The following TMTC3 variants were observed in gnomAD, a reference collection of about 807,000 sequenced individuals.
The protein encoded by TMTC3 is protein O-mannosyl-transferase TMTC3.
In TMTC3, 52 loss-of-function variants were observed where a neutral mutation model predicts 92.2. The ratio of observed to expected loss-of-function variants is 0.56; its 90% confidence interval spans 0.45 to 0.71. The LOEUF (loss-of-function observed/expected upper bound fraction) is 0.71. Ranked by LOEUF, TMTC3 falls within the 30% of genes least tolerant of loss-of-function variation. TMTC3 has a pLI of 0.00. For missense variants in TMTC3, 896 were observed against 1,057.1 expected, an observed-to-expected ratio of 0.85 and a Z score of 2.11; for synonymous variants, 339 against 363.3, an observed-to-expected ratio of 0.93 and a Z score of 0.76.
intron 2 of TMTC3, among the ~76,000 whole-genome samples, chr12:88,152,265 A>G (rs2040952109): frequency 1.3e-5 from 2 of 151,960 alleles, no homozygotes; most frequent in African/African-American, 4.8e-5. Context: ...GTGAAGGGGG[A>G]GCAGGTGTAT....
At chr12:88,181,363 G>A (rs950036035) in intron 10 of TMTC3, among the ~76,000 whole-genome samples, 1 of 152,164 alleles carries the variant, frequency 6.6e-6, no homozygotes, top group Non-Finnish European at 1.5e-5. Context: ...CCTGTTGAAG[G>A]AGGAGACATG....
At chr12:88,145,935 C>G (rs1398601705) in intron 1 of TMTC3, among the ~76,000 whole-genome samples, 1 of 152,130 alleles carries the variant, frequency 6.6e-6, no homozygotes, top group Non-Finnish European at 1.5e-5. Context: ...GGATTTTGTG[C>G]ACATATATAG....
intron 4 of TMTC3, among the ~76,000 whole-genome samples, chr12:88,159,172 G>C (rs1304140684): frequency 6.6e-6 from 1 of 150,984 alleles, no homozygotes; most frequent in Non-Finnish European, 1.5e-5. Context: ...TAAGAAAACT[G>C]AAGCCTGGAA....
At chr12:88,174,035 A>G (rs1358046901) in intron 8 of TMTC3, among the ~76,000 whole-genome samples, 3 of 152,152 alleles carry the variant, frequency 2.0e-5, no homozygotes, top group African/African-American at 7.2e-5. Flanking sequence ...AAACAAGATC[A>G]TAAAGATTAT....
chr12:88,159,052 CAA>C (rs1179846619), intron 4 of TMTC3, among the ~76,000 whole-genome samples: 8 of 57,638 alleles, frequency 1.4e-4, no homozygotes, highest in Admixed American at 5.9e-4. Flanking sequence ...AACTCTGTCT[CAA>C]AAAAAAAAAA....
chr12:88,157,835 G>A (rs1370278334), intron 4 of TMTC3, among the ~76,000 whole-genome samples: 2 of 152,120 alleles, frequency 1.3e-5, no homozygotes, highest in Non-Finnish European at 2.9e-5. Context: ...AAATCAAAGT[G>A]TTTATATAGT....
rs530391917 is a variant in TMTC3, at chr12:88,180,783, T to C, written c.1432+4464T>C. On this transcript the variant is annotated intron_variant, in intron 10 of 13. Transcript: ENST00000266712. The stretch of plus-strand genomic sequence containing the variant: ...TGAGGGGGTGTGAACACAAGCATAT[T>C]CTCTTCCCCATGTCAACAAATCATT... Among the ~76,000 whole-genome samples the C allele has an allele frequency of 7.5e-4, 114 of 152,254 alleles. 2 individuals are homozygous for C. In the South Asian group the frequency reaches 0.012, roughly 16 times the overall value.
intron 10 of TMTC3, among the ~76,000 whole-genome samples, chr12:88,178,017 G>A (rs1373598101): frequency 6.6e-6 from 1 of 152,180 alleles, no homozygotes; most frequent in Non-Finnish European, 1.5e-5. Flanking sequence ...GATAAGAATA[G>A]CAGATAATAG....
intron 10 of TMTC3, among the ~76,000 whole-genome samples, chr12:88,180,446 G>A (rs2041305099): frequency 6.6e-6 from 1 of 152,176 alleles, no homozygotes; most frequent in South Asian, 2.1e-4. Context: ...AGCAGGTACA[G>A]ATAGCAGGAA....
intron 10 of TMTC3, among the ~76,000 whole-genome samples, chr12:88,181,523 G>A (rs1340206931): frequency 6.6e-6 from 1 of 152,042 alleles, no homozygotes; most frequent in African/African-American, 2.4e-5. Context: ...TAACTTGCAG[G>A]TCTGCTTGTT....
chr12:88,160,321 C>A (rs2041061611), intron 5 of TMTC3, 92 bp downstream of exon 5: 1 of 697,318 alleles, frequency 1.4e-6, no homozygotes, highest in Non-Finnish European at 2.1e-6. Context: ...CTAAATGTAT[C>A]ATTATGTAAA....
At chr12:88,162,289 T>C (rs1248971292) in intron 6 of TMTC3, among the ~76,000 whole-genome samples, 2 of 152,338 alleles carry the variant, frequency 1.3e-5, no homozygotes, top group African/African-American at 2.4e-5. Flanking sequence ...TTGTTTCTTA[T>C]GTATTTATGT....
At chr12:88,185,303 A>G (rs550765889) in intron 10 of TMTC3, among the ~76,000 whole-genome samples, 5 of 151,498 alleles carry the variant, frequency 3.3e-5, no homozygotes, top group South Asian at 4.2e-4. Context: ...TTTTTCTAAA[A>G]TTGTGTATGA....
rs61941025 is a variant in TMTC3 at position 88,145,314 on chromosome 12, A to G, written c.-29+2827A>G. On this transcript the variant is annotated intron_variant, in intron 1 of 13. Transcript: ENST00000266712. ...TGATCTTTCCAGTTTCCTCATGTTG[A>G]AGGAAGACAAGTATCTGCTTGCTGC... 6.9e-3 allele frequency among the ~76,000 whole-genome samples: 1,047 copies of G among 152,254 alleles called. 4 individuals carry two copies. The highest frequency in any genetic ancestry group is 0.011 in the Non-Finnish European group (766 of 67,996).
At chr12:88,186,419 T>A (rs548982970) in intron 10 of TMTC3, among the ~76,000 whole-genome samples, 1 of 152,238 alleles carries the variant, frequency 6.6e-6, no homozygotes, top group Non-Finnish European at 1.5e-5. Context: ...TGAGGAGAGA[T>A]AAGAAATGAA....
At chr12:88,148,080 A>G (rs2040897819) in intron 1 of TMTC3, among the ~76,000 whole-genome samples, 1 of 152,160 alleles carries the variant, frequency 6.6e-6, no homozygotes, top group African/African-American at 2.4e-5. Context: ...GGGGGCTGAC[A>G]TAATGTCCCC....
intron 6 of TMTC3, among the ~76,000 whole-genome samples, chr12:88,161,774 CAAGGAAT>C (rs900340969): frequency 6.6e-6 from 1 of 150,896 alleles, no homozygotes; most frequent in African/African-American, 2.4e-5. Context: ...AGTTTACCTT[CAAGGAAT>C]ATTCTAATTT....
At chr12:88,167,198 C>A (rs940379854) in intron 7 of TMTC3, among the ~76,000 whole-genome samples, 1 of 151,892 alleles carries the variant, frequency 6.6e-6, no homozygotes, top group Non-Finnish European at 1.5e-5. Context: ...AGTTTGAGAC[C>A]AGCCTGGTCA....
chr12:88,190,657 A>C (rs1479401592), intron 12 of TMTC3, 35 bp downstream of exon 12: 2 of 1,597,098 alleles, frequency 1.3e-6, no homozygotes, highest in African/African-American at 2.7e-5. Flanking sequence ...TCATTATGGA[A>C]TATTGAAACT....
Sources: allele counts gnomAD v4.1 joint callset (sites outside exome capture counted in the v4.1 genomes callset), GRCh38; gene constraint gnomAD v4.1.1; transcripts MANE v1.5; gene names NCBI Gene and HGNC (gene_info 2026-07-23, HGNC 2026-07-21).